GRID2: variants seen among roughly 807,000 people sequenced by gnomAD.
GRID2 encodes the protein glutamate receptor ionotropic, delta-2.
A neutral mutation model predicts 114.8 loss-of-function variants in GRID2; 33 were observed. That is an observed-to-expected ratio of 0.29 (90% CI 0.22 to 0.38). The LOEUF is 0.38. Among genes scored for constraint, GRID2 ranks in the 10% least tolerant of loss-of-function variants. GRID2 has a pLI of 1.00. For missense variants in GRID2, 1,184 were observed against 1,257.7 expected, an observed-to-expected ratio of 0.94 and a Z score of 0.89; for synonymous variants, 505 against 449.9, an observed-to-expected ratio of 1.12 and a Z score of -1.55.
At chr4:93,273,075 TTATAGCACTCATTATAAATTGTAATTG>T (rs1751653857) in intron 8 of GRID2, among the ~76,000 whole-genome samples, 1 of 152,230 alleles carries the variant, frequency 6.6e-6, no homozygotes, top group Non-Finnish European at 1.5e-5. Context: ...TTTATTTTCT[TTATAGCACTCATTATAAATTGTAATTG>T]TACATTTATA....
At chr4:92,936,889 G>C (rs902602081) in intron 2 of GRID2, among the ~76,000 whole-genome samples, 4 of 146,490 alleles carry the variant, frequency 2.7e-5, no homozygotes, top group African/African-American at 9.7e-5. Context: ...CCCATAGTTG[G>C]TATGAAGTGA....
At position 93,593,559 on chromosome 4, in the gene GRID2, C is replaced by T. The variant is rs1177155045; in HGVS notation, c.2194-32710C>T. Among the ~76,000 whole-genome samples, 8 of 146,400 alleles carry T rather than the reference C, an allele frequency of 5.5e-5. No homozygotes were observed. The East Asian group carries it at 1.2e-3, about 22-fold the overall frequency. On this transcript the variant is annotated intron_variant, in intron 13 of 15. Coordinates refer to ENST00000282020, the MANE Select transcript of GRID2 (RefSeq NM_001510.4). ...TGGAGTTGCTCTTCTCGAGGAGTATCTTTGTGGCGTTCTCTGTATTTCCTG... is the reference window on the plus strand; with the variant it reads ...TGGAGTTGCTCTTCTCGAGGAGTATTTTTGTGGCGTTCTCTGTATTTCCTG...
At chr4:93,649,344 C>T (rs1442653808) in intron 14 of GRID2, among the ~76,000 whole-genome samples, 1 of 152,064 alleles carries the variant, frequency 6.6e-6, no homozygotes, top group Admixed American at 6.6e-5. Context: ...TTCACCTAAG[C>T]CAATATCCTA....
chr4:92,495,447 G>T (rs1386316287), intron 1 of GRID2, among the ~76,000 whole-genome samples: 2 of 151,952 alleles, frequency 1.3e-5, no homozygotes, highest in African/African-American at 4.8e-5. Flanking sequence ...GTGGCTAAGA[G>T]GATCACAGGC....
intron 2 of GRID2, among the ~76,000 whole-genome samples, chr4:92,673,557 A>C (rs1264806146): frequency 1.3e-5 from 2 of 152,196 alleles, no homozygotes; most frequent in Non-Finnish European, 2.9e-5. Flanking sequence ...CATGTCCGCT[A>C]AGGAAATATT....
intron 9 of GRID2, among the ~76,000 whole-genome samples, chr4:93,397,076 C>T (rs1223713375): frequency 6.6e-6 from 1 of 151,846 alleles, no homozygotes; most frequent in Non-Finnish European, 1.5e-5. Context: ...TTTATAACAC[C>T]AGTTGCTGCC....
At chr4:92,673,102 T>C (rs993695448) in intron 2 of GRID2, among the ~76,000 whole-genome samples, 2 of 152,170 alleles carry the variant, frequency 1.3e-5, no homozygotes, top group Admixed American at 1.3e-4. Flanking sequence ...TTTAAATTAA[T>C]CAAGTCTTCT....
At chr4:92,451,283 G>T (rs868488907) in intron 1 of GRID2, among the ~76,000 whole-genome samples, 1 of 151,948 alleles carries the variant, frequency 6.6e-6, no homozygotes, top group Non-Finnish European at 1.5e-5. Flanking sequence ...CATGAAAGCC[G>T]GTAATTCTAA....
chr4:92,601,415 C>T (rs923168136), intron 2 of GRID2, among the ~76,000 whole-genome samples: 1 of 152,140 alleles, frequency 6.6e-6, no homozygotes, highest in African/African-American at 2.4e-5. Context: ...AATTGAACAA[C>T]CTGCTCCTGA....
chr4:93,328,895 C>G (rs767719276), intron 8 of GRID2, among the ~76,000 whole-genome samples: 1 of 152,226 alleles, frequency 6.6e-6, no homozygotes, highest in South Asian at 2.1e-4. Flanking sequence ...AGGGATAGCA[C>G]AGCAAGGATA....
chr4:92,676,445 G>C (rs866081761), intron 2 of GRID2, among the ~76,000 whole-genome samples: 1 of 152,024 alleles, frequency 6.6e-6, no homozygotes, highest in African/African-American at 2.4e-5. Context: ...CTCCCAAAGT[G>C]CTGGGATTAC....
intron 8 of GRID2, among the ~76,000 whole-genome samples, chr4:93,306,980 G>A (rs1755492115): frequency 6.6e-6 from 1 of 152,194 alleles, no homozygotes; most frequent in Admixed American, 6.5e-5. Context: ...GGCAGATTAC[G>A]AGGTTAGGAG....
intron 4 of GRID2, among the ~76,000 whole-genome samples, chr4:93,146,507 C>CA (rs1219446202): frequency 2.0e-5 from 3 of 150,382 alleles, no homozygotes; most frequent in Non-Finnish European, 4.5e-5. Flanking sequence ...AATTTACGTT[C>CA]AAATTCAATG....
At chr4:93,751,431 T>G (rs1244807711) in intron 14 of GRID2, among the ~76,000 whole-genome samples, 1 of 150,964 alleles carries the variant, frequency 6.6e-6, no homozygotes, top group African/African-American at 2.5e-5. Context: ...TTTATTCCTC[T>G]CATTTTTCCA....
intron 6 of GRID2, among the ~76,000 whole-genome samples, chr4:93,220,255 T>G (rs1014869455): frequency 6.6e-6 from 1 of 151,838 alleles, no homozygotes; most frequent in Non-Finnish European, 1.5e-5. Flanking sequence ...TATATATATT[T>G]TTTTAGATTG....
At chr4:93,056,021 A>G (rs1484817571) in intron 2 of GRID2, among the ~76,000 whole-genome samples, 1 of 151,826 alleles carries the variant, frequency 6.6e-6, no homozygotes, top group Admixed American at 6.6e-5. Context: ...TAATGATGCC[A>G]TCATCTTCTG....
intron 2 of GRID2, among the ~76,000 whole-genome samples, chr4:92,611,579 G>C (rs919527921): frequency 6.6e-6 from 1 of 151,524 alleles, no homozygotes; most frequent in Admixed American, 6.6e-5. Flanking sequence ...TACTAGGGTA[G>C]ATATTTAGGG....
chr4:92,548,065 G>C (rs1726363346), intron 1 of GRID2, among the ~76,000 whole-genome samples: 1 of 152,022 alleles, frequency 6.6e-6, no homozygotes, highest in Admixed American at 6.6e-5. Context: ...CATCTAGAAT[G>C]GTACTGAGGA....
intron 9 of GRID2, among the ~76,000 whole-genome samples, chr4:93,420,773 T>C (rs955511223): frequency 2.4e-4 from 36 of 151,776 alleles, no homozygotes; most frequent in African/African-American, 8.2e-4. Context: ...TTTATGTTTT[T>C]GAGACAGTCT....
Sources: gnomAD v4.1 joint callset for allele counts (sites outside exome capture counted in the v4.1 genomes callset) on GRCh38, gnomAD v4.1.1 for gene constraint, MANE v1.5 for transcripts, NCBI Gene and HGNC (gene_info 2026-07-23, HGNC 2026-07-21) for gene names.